Variants in PCDHA3 observed in about 807,000 individuals in gnomAD.
PCDHA3 encodes protocadherin alpha 3.
Under a neutral mutation model 62.2 loss-of-function variants are expected in PCDHA3, and 41 were observed. That is an observed-to-expected ratio of 0.66 (90% confidence interval 0.51 to 0.86). The LOEUF is 0.86. PCDHA3 is among the 40% of genes least tolerant of loss of function. PCDHA3 has a pLI of 0.00. For synonymous variants in PCDHA3, 640 were observed against 555.4 expected, an observed-to-expected ratio of 1.15 and a Z score of -2.14; for missense variants, 1,304 against 1,241.2, an observed-to-expected ratio of 1.05 and a Z score of -0.76.
At chr5:140,999,033 G>A (rs1029128098) in intron 3 of PCDHA3, among the ~76,000 whole-genome samples, 6 of 152,148 alleles carry the variant, frequency 3.9e-5, no homozygotes, top group African/African-American at 1.4e-4. Context: ...TTGATACTTC[G>A]TCCAGTGTGC....
intron 1 of PCDHA3, chr5:140,968,151 T>C: frequency 6.2e-7 from 1 of 1,614,134 alleles, no homozygotes; most frequent in Non-Finnish European, 8.5e-7. Flanking sequence ...ATCTCTGACA[T>C]CAATGACAAT....
chr5:140,941,185 CTTT>C (rs782102770), intron 1 of PCDHA3, among the ~76,000 whole-genome samples: 1 of 102,176 alleles, frequency 9.8e-6, no homozygotes, highest in Admixed American at 9.9e-5. Flanking sequence ...CATCCTGCTT[CTTT>C]TTTTTTCTTT....
intron 1 of PCDHA3, chr5:140,863,191 G>A: frequency 1.2e-6 from 1 of 802,224 alleles, no homozygotes; most frequent in Non-Finnish European, 2.1e-6. Flanking sequence ...CACCGTGGTG[G>A]CGTCGCTGGC....
intron 1 of PCDHA3, among the ~76,000 whole-genome samples, chr5:140,916,213 T>A (rs2077480691): frequency 6.6e-6 from 1 of 152,134 alleles, no homozygotes; most frequent in Non-Finnish European, 1.5e-5. Context: ...CTGGGGAAGA[T>A]CCAAATATGC....
At position 140,835,620 on chromosome 5, in the gene PCDHA3, C is replaced by G; in HGVS notation, c.2394+32029C>G. 3.7e-6 allele frequency: 6 copies of G among 1,613,942 alleles called. No homozygotes were observed. The South Asian group carries it at 5.5e-5, about 15-fold the overall frequency. On this transcript the variant is annotated intron_variant, in intron 1 of 3. Transcript: ENST00000522353. Reference sequence around the variant, plus strand: ...CTATTCATTGGTGCTGGACAGCGCTCTGGACCGCGAGAGTGTGTCCGCCTA... The same window carrying G: ...CTATTCATTGGTGCTGGACAGCGCTGTGGACCGCGAGAGTGTGTCCGCCTA...
chr5:140,958,422 C>A (rs1436234763), intron 1 of PCDHA3, among the ~76,000 whole-genome samples: 1 of 152,120 alleles, frequency 6.6e-6, no homozygotes, highest in African/African-American at 2.4e-5. Context: ...TGGAAAGAAG[C>A]ACTTTTTATA....
In PCDHA3 at chr5:140,927,203, C is replaced by T. The variant is rs782141467; in HGVS notation, c.2395-51746C>T. ...ACCTACGACCTGGTGCTCGAGGACC[C>T]GCTGGAGCTGCACAAGATTCGGATT... On this transcript the variant is annotated intron_variant, in intron 1 of 3. Transcript: ENST00000522353. 65 of 1,614,104 alleles carry T rather than the reference C, an allele frequency of 4.0e-5. No homozygotes were observed. Among genetic ancestry groups the T allele is most frequent in the Non-Finnish European group, 5.1e-5 (60 of 1,180,040 alleles).
rs539786276 is a variant in PCDHA3 at position 140,802,811 on chromosome 5, C to A, written c.1614C>A (p.Arg538=). The A allele has an allele frequency of 2.2e-5, 36 of 1,613,360 alleles. No homozygotes were observed. Among genetic ancestry groups the A allele is most frequent in the Middle Eastern group, 3.4e-4 (2 of 5,888 alleles). ...LELLQFQVSA[R]DAGVPPLGSN... The stretch of plus-strand genomic sequence containing the variant: ...TGCTGCAGTTCCAGGTGAGTGCGCG[C>A]GATGCGGGCGTGCCGCCTCTGGGCA... Residue 538 remains arginine, a synonymous_variant, in exon 1 of 4, where the codon CGC becomes CGA. Transcript: ENST00000522353.
chr5:140,818,363 T>A (rs1766341605), intron 1 of PCDHA3, among the ~76,000 whole-genome samples: 1 of 152,260 alleles, frequency 6.6e-6, no homozygotes, highest in Non-Finnish European at 1.5e-5. Flanking sequence ...TTGATTGAAT[T>A]CTTAACTTGA....
At chr5:140,842,728 G>T in intron 1 of PCDHA3, 2 of 1,595,050 alleles carry the variant, frequency 1.3e-6, no homozygotes, top group Non-Finnish European at 1.7e-6. Context: ...AGAACAACCC[G>T]CCGGGCTGCC....
Position 140,857,690 on chromosome 5 carries a change from T to G in PCDHA3, c.2394+54099T>G, listed in dbSNP as rs184684054. On this transcript the variant is annotated intron_variant, in intron 1 of 3. Transcript: ENST00000522353. ...GGGCGTGCCGCCTCTGGGCAGCAAC[T>G]TGACGCTGCAGGTGTTCGTGCTGGA... 2.4e-3 allele frequency: 3,841 copies of G among 1,597,044 alleles called. 312 individuals are homozygous for G. In the African/African-American group the frequency reaches 0.036, roughly 15 times the overall value.
intron 1 of PCDHA3, among the ~76,000 whole-genome samples, chr5:140,892,414 C>G (rs2063506203): frequency 6.6e-6 from 1 of 152,124 alleles, no homozygotes; most frequent in Non-Finnish European, 1.5e-5. Context: ...TTCAGGTATT[C>G]TAGATAAAAC....
Position 141,009,983 on chromosome 5 carries a change from G to A in PCDHA3, c.*46G>A, listed in dbSNP as rs1554262629. The A allele has an allele frequency of 1.9e-6, 3 of 1,581,862 alleles. No homozygotes were observed. Among genetic ancestry groups the A allele is most frequent in the Non-Finnish European group, 2.6e-6 (3 of 1,167,526 alleles). On this transcript the variant is annotated 3_prime_UTR_variant, in exon 4 of 4. Coordinates refer to ENST00000522353, the MANE Select transcript of PCDHA3 (RefSeq NM_018906.3). ...CCACTTAGCCAGTTTTTGTAATAAT[G>A]GCAAATCTCTCCCATGTAGCAATTC...
chr5:140,961,192 A>G (rs1322057564), intron 1 of PCDHA3, among the ~76,000 whole-genome samples: 1 of 152,170 alleles, frequency 6.6e-6, no homozygotes, highest in African/African-American at 2.4e-5. Flanking sequence ...ACAGGACCCT[A>G]GTGAGGTTGG....
rs782729225 is a variant in PCDHA3 at position 140,808,755 on chromosome 5, T to C, written c.2394+5164T>C. On this transcript the variant is annotated intron_variant, in intron 1 of 3. Transcript: ENST00000522353. ...GGCAAGGTGTACGCGCTGCAGCCGC[T>C]GGACCACGAGGAGCTAGAGCTGCTG... is the stretch of plus-strand genomic sequence containing the variant. 113 of 1,612,122 alleles carry C rather than the reference T, an allele frequency of 7.0e-5. 1 individual carries two copies. The South Asian group carries it at 1.0e-3, about 14-fold the overall frequency.
intron 1 of PCDHA3, chr5:140,928,020 T>G: frequency 1.2e-6 from 2 of 1,614,182 alleles, no homozygotes; most frequent in Middle Eastern, 1.6e-4. Context: ...GTAGGGTCAT[T>G]TGTGGCATGT....
intron 1 of PCDHA3, chr5:140,856,255 A>G: frequency 2.5e-6 from 4 of 1,597,974 alleles, no homozygotes; most frequent in Non-Finnish European, 3.4e-6. Flanking sequence ...CGTCCAAAAG[A>G]CACGGGGACC....
At chr5:140,851,741 G>A in intron 1 of PCDHA3, 1 of 972,212 alleles carries the variant, frequency 1.0e-6, no homozygotes, top group Non-Finnish European at 1.2e-6. Context: ...TTGAAATTCA[G>A]AGTCTGTAAC....
chr5:140,874,901 T>G (rs896201686), intron 1 of PCDHA3, among the ~76,000 whole-genome samples: 2 of 152,208 alleles, frequency 1.3e-5, no homozygotes, highest in Admixed American at 1.3e-4. Context: ...TCTAAAATCT[T>G]ACGATGGAGT....
Sources: allele counts gnomAD v4.1 joint callset (sites outside exome capture counted in the v4.1 genomes callset), GRCh38; gene constraint gnomAD v4.1.1; transcripts MANE v1.5; gene names NCBI Gene and HGNC (gene_info 2026-07-23, HGNC 2026-07-21).